The following NVL variants were observed in gnomAD, a reference collection of about 807,000 sequenced individuals.
NVL encodes the protein nuclear valosin-containing protein-like.
A neutral mutation model predicts 110.2 loss-of-function variants in NVL; 84 were observed. That is an observed-to-expected ratio of 0.76 (90% CI 0.64 to 0.91). NVL has a LOEUF of 0.91. NVL is among the 40% of genes least tolerant of loss of function. NVL has a pLI of 0.00. For synonymous variants in NVL, 354 were observed against 361.1 expected (o/e 0.98, Z 0.22); for missense variants, 882 against 1,035.9 (o/e 0.85, Z 2.04).
chr1:224,317,225 TAAAC>T (rs1270872759), intron 4 of NVL, among the ~76,000 whole-genome samples: 1 of 152,092 alleles, frequency 6.6e-6, no homozygotes, highest in Non-Finnish European at 1.5e-5. Context: ...TACTATTTCT[TAAAC>T]AAAATTAATC....
intron 2 of NVL, among the ~76,000 whole-genome samples, chr1:224,318,651 C>A (rs1670324754): frequency 6.6e-6 from 1 of 151,142 alleles, no homozygotes; most frequent in Non-Finnish European, 1.5e-5. Context: ...AGTTACAGAC[C>A]CTTCGTCTCA....
At chr1:224,234,152 A>C (rs1307181994) in intron 20 of NVL, among the ~76,000 whole-genome samples, 1 of 68,940 alleles carries the variant, frequency 1.5e-5, no homozygotes, top group East Asian at 2.8e-4. Context: ...AAGTTACTTA[A>C]AATATGACAA....
chr1:224,231,197 T>C (rs1299506008), intron 22 of NVL, 29 bp downstream of exon 22: 3 of 1,514,574 alleles, frequency 2.0e-6, no homozygotes, highest in Non-Finnish European at 2.7e-6. Flanking sequence ...CTAGTTTCCT[T>C]TCTCTATGCA....
At chr1:224,281,579 C>A (rs1000214726) in intron 15 of NVL, among the ~76,000 whole-genome samples, 2 of 151,414 alleles carry the variant, frequency 1.3e-5, no homozygotes, top group African/African-American at 4.9e-5. Context: ...GGATTACAGG[C>A]GTGAGCTACT....
rs548843459 is a variant in NVL at position 224,298,617 on chromosome 1, AC to A, written c.1062+1944del. 4.4e-4 allele frequency: 89 copies of A among 201,576 alleles called. No individual in the cohort carries two copies. The East Asian group carries it at 0.01, about 23-fold the overall frequency. The allele number at this position is 201,576 out of a possible 1,614,324, so 12.5% of individuals were successfully genotyped here. On this transcript the variant is annotated intron_variant, in intron 10 of 22. Transcript: ENST00000281701. ...ATGGCATAATAGGTGGTAATAAAAG[AC>A]CTCTGGACTGTAAAAATGTTTCTCT...
At chr1:224,258,521 A>G (rs1398269675) in intron 18 of NVL, among the ~76,000 whole-genome samples, 1 of 152,166 alleles carries the variant, frequency 6.6e-6, no homozygotes, top group African/African-American at 2.4e-5. Context: ...GAGTTACCAT[A>G]TGATCCAGCA....
chr1:224,296,730 A>T (rs1667919456), intron 10 of NVL, 112 bp from the exon 11 acceptor site: 1 of 663,330 alleles, frequency 1.5e-6, no homozygotes, highest in Non-Finnish European at 2.5e-6. Context: ...TCATTTGCCA[A>T]AAGAATAACC....
At chr1:224,287,448 A>C (rs926433224) in intron 14 of NVL, among the ~76,000 whole-genome samples, 1 of 152,250 alleles carries the variant, frequency 6.6e-6, no homozygotes, top group Non-Finnish European at 1.5e-5. Context: ...TCCCAACACA[A>C]AGAAAACATA....
At chr1:224,252,085 C>T (rs908156309) in intron 18 of NVL, among the ~76,000 whole-genome samples, 2 of 152,160 alleles carry the variant, frequency 1.3e-5, no homozygotes, top group African/African-American at 2.4e-5. Flanking sequence ...CCAACTCCCA[C>T]GCCCTGTTTA....
chr1:224,243,952 C>T (rs1203254592), intron 19 of NVL, among the ~76,000 whole-genome samples: 3 of 152,000 alleles, frequency 2.0e-5, no homozygotes, highest in East Asian at 1.9e-4. Context: ...AGCCACCACA[C>T]CCGGCCTTGT....
intron 16 of NVL, 107 bp downstream of exon 16, chr1:224,281,016 T>A: frequency 9.6e-7 from 1 of 1,040,300 alleles, no homozygotes; most frequent in Non-Finnish European, 1.5e-6. Context: ...TGATTTTAAA[T>A]ACCAAAATAC....
intron 1 of NVL, among the ~76,000 whole-genome samples, chr1:224,328,693 A>G (rs1017770200): frequency 2.6e-5 from 4 of 152,076 alleles, no homozygotes; most frequent in African/African-American, 7.2e-5. Context: ...GAAATGAAAG[A>G]CTCAGAATGA....
chr1:224,310,176 C>T (rs1417226010), intron 5 of NVL, among the ~76,000 whole-genome samples: 2 of 122,732 alleles, frequency 1.6e-5, no homozygotes, highest in Non-Finnish European at 3.3e-5. Context: ...GAGACTCCCT[C>T]GCAAAAAAAA....
In NVL at chr1:224,275,385, A is replaced by C; in HGVS notation, c.2036T>G (p.Phe679Cys). The C allele has an allele frequency of 6.2e-7, 1 of 1,614,190 alleles. No homozygotes were observed. The highest frequency in any genetic ancestry group is 1.3e-5 in the African/African-American group (1 of 75,066). Residue 679 changes from phenylalanine (F) to cysteine (C), a missense_variant, in exon 17 of 23, where the codon TTC (phenylalanine) becomes TGC (cysteine). By Grantham distance (205) the Phe-to-Cys change is radical. Coordinates refer to ENST00000281701, the MANE Select transcript of NVL (RefSeq NM_002533.4). Reference protein sequence around the residue: ...RAKNSAPCVIFFDEVDALCPR... With the variant: ...RAKNSAPCVICFDEVDALCPR... Reference sequence around the variant, plus strand: ...ACATAAAGCATCCACTTCATCAAAGAATATCACACAGGGTGCTGAGTTCTT... The same window carrying C: ...ACATAAAGCATCCACTTCATCAAAGCATATCACACAGGGTGCTGAGTTCTT...
chr1:224,328,723 TAAC>T (rs1671391648), intron 1 of NVL, among the ~76,000 whole-genome samples: 1 of 152,052 alleles, frequency 6.6e-6, no homozygotes, highest in Non-Finnish European at 1.5e-5. Flanking sequence ...TTTTTGGCCT[TAAC>T]AACAGGACGA....
chr1:224,324,231 T>C (rs1482775669), intron 2 of NVL, among the ~76,000 whole-genome samples: 7 of 152,176 alleles, frequency 4.6e-5, no homozygotes, highest in African/African-American at 1.7e-4. Flanking sequence ...AGTACAAATA[T>C]GATGTAATAA....
intron 5 of NVL, among the ~76,000 whole-genome samples, chr1:224,308,836 C>A (rs1470621284): frequency 7.2e-5 from 11 of 151,890 alleles, no homozygotes; most frequent in Admixed American, 3.3e-4. Flanking sequence ...CCGAGGCGGG[C>A]GGATCACGAG....
At chr1:224,328,817 G>A (rs1007152761) in intron 1 of NVL, among the ~76,000 whole-genome samples, 11 of 152,090 alleles carry the variant, frequency 7.2e-5, no homozygotes, top group South Asian at 2.1e-4. Context: ...ATTCCACTTG[G>A]CCATTTTAAT....
chr1:224,288,802 C>T (rs1032215985), intron 13 of NVL, among the ~76,000 whole-genome samples: 1 of 152,164 alleles, frequency 6.6e-6, no homozygotes, highest in South Asian at 2.1e-4. Flanking sequence ...CAGAAGCCAT[C>T]TGTGCAAGCT....
Sources: gnomAD v4.1 joint callset for allele counts (sites outside exome capture counted in the v4.1 genomes callset) on GRCh38, gnomAD v4.1.1 for gene constraint, MANE v1.5 for transcripts, NCBI Gene and HGNC (gene_info 2026-07-23, HGNC 2026-07-21) for gene names.